Variants in SLC25A12 observed in about 807,000 individuals in gnomAD.
SLC25A12 encodes solute carrier family 25 member 12.
In SLC25A12, 32 loss-of-function variants were observed where a neutral mutation model predicts 83.3. The observed-to-expected ratio is 0.38, with a 90% confidence interval of 0.29 to 0.52. The LOEUF (loss-of-function observed/expected upper bound fraction) is 0.52, where lower values mean the gene tolerates loss of function less well. Among genes scored for constraint, SLC25A12 ranks in the 20% least tolerant of loss-of-function variants. SLC25A12 has a pLI of 0.84. For missense variants in SLC25A12, 611 were observed against 835.6 expected, an observed-to-expected ratio of 0.73 and a Z score of 3.31; for synonymous variants, 267 against 291.1, an observed-to-expected ratio of 0.92 and a Z score of 0.84.
At chr2:171,884,167 A>G (rs571040275) in intron 2 of SLC25A12, among the ~76,000 whole-genome samples, 1 of 144,966 alleles carries the variant, frequency 6.9e-6, no homozygotes, top group East Asian at 2.1e-4. Flanking sequence ...GGAATGAGCC[A>G]GTGTGCCCAG....
chr2:171,791,383 T>C, intron 15 of SLC25A12, 68 bp downstream of exon 15: 1 of 1,288,962 alleles, frequency 7.8e-7, no homozygotes, highest in Non-Finnish European at 1.1e-6. Context: ...AGGGGGAAAG[T>C]ACATAGAGAT....
intron 17 of SLC25A12, among the ~76,000 whole-genome samples, chr2:171,786,400 AAAAAG>A (rs1319175700): frequency 2.6e-5 from 4 of 151,524 alleles, no homozygotes; most frequent in African/African-American, 9.7e-5. Flanking sequence ...AAAAAAAAAA[AAAAAG>A]AGAGAGAGAG....
At chr2:171,797,648 G>C (rs1450920662) in intron 13 of SLC25A12, among the ~76,000 whole-genome samples, 2 of 152,014 alleles carry the variant, frequency 1.3e-5, no homozygotes, top group Admixed American at 6.6e-5. Flanking sequence ...TTGGTAATTT[G>C]GCAAATATAT....
At chr2:171,785,518 G>A in intron 17 of SLC25A12, 43 bp from the exon 18 acceptor site, 2 of 1,553,974 alleles carry the variant, frequency 1.3e-6, no homozygotes, top group Non-Finnish European at 1.8e-6. Context: ...GCTCAAGGTG[G>A]ATGAGCGCAG....
At chr2:171,803,447 AC>A (rs1352931642) in intron 13 of SLC25A12, among the ~76,000 whole-genome samples, 6 of 152,228 alleles carry the variant, frequency 3.9e-5, no homozygotes, top group Non-Finnish European at 5.9e-5. Flanking sequence ...TAACCAAAAA[AC>A]AATCCAATTT....
chr2:171,858,858 T>C (rs939132870), intron 3 of SLC25A12, among the ~76,000 whole-genome samples: 1 of 152,230 alleles, frequency 6.6e-6, no homozygotes, highest in African/African-American at 2.4e-5. Flanking sequence ...TCTTGTCACA[T>C]AGGTTTCCAA....
Position 171,810,258 on chromosome 2 carries a change from A to C in SLC25A12, c.1190T>G (p.Ile397Arg). 1 of 1,613,604 alleles carries C rather than the reference A, an allele frequency of 6.2e-7. No homozygotes were observed. The highest frequency in any genetic ancestry group is 8.5e-7 in the Non-Finnish European group (1 of 1,179,554). Residue 397 changes from isoleucine to arginine, a missense_variant, in exon 12 of 18, where the codon ATA (isoleucine) becomes AGA (arginine). By Grantham distance (97) the Ile-to-Arg change is moderately conservative. Coordinates refer to ENST00000422440, the MANE Select transcript of SLC25A12 (RefSeq NM_003705.5). ...AATGGCCTTTTCTGGAGCAACCCCT[A>C]TAAGTTGTGGTATCAGACCTAGGTA... is the stretch of plus-strand genomic sequence containing the variant. ...GLYRGLIPQL[I>R]GVAPEKAIKL... is the part of the protein sequence containing the mutation.
chr2:171,787,473 C>G, intron 17 of SLC25A12, 98 bp downstream of exon 17: 9 of 944,472 alleles, frequency 9.5e-6, no homozygotes, highest in Non-Finnish European at 1.6e-5. Context: ...TCTGTCTTAT[C>G]AGTTTTCTAA....
intron 2 of SLC25A12, among the ~76,000 whole-genome samples, chr2:171,869,329 A>G (rs2105918257): frequency 6.6e-6 from 1 of 152,352 alleles, no homozygotes; most frequent in East Asian, 1.9e-4. Flanking sequence ...GGTGAATTTT[A>G]CATTATGTGA....
At chr2:171,864,818 C>T (rs909551907) in intron 3 of SLC25A12, among the ~76,000 whole-genome samples, 3 of 152,142 alleles carry the variant, frequency 2.0e-5, no homozygotes, top group African/African-American at 7.2e-5. Context: ...TATGACAGCA[C>T]CTCATTTCAG....
At chr2:171,856,349 T>C (rs1685044640) in intron 3 of SLC25A12, among the ~76,000 whole-genome samples, 1 of 152,176 alleles carries the variant, frequency 6.6e-6, no homozygotes, top group African/African-American at 2.4e-5. Context: ...CTCTACCCAC[T>C]AGATGCCAAT....
At chr2:171,832,659 A>C (rs1446829363) in intron 8 of SLC25A12, among the ~76,000 whole-genome samples, 2 of 152,196 alleles carry the variant, frequency 1.3e-5, no homozygotes, top group Non-Finnish European at 2.9e-5. Context: ...TAACTGCAGG[A>C]ATAGCAATAG....
intron 9 of SLC25A12, among the ~76,000 whole-genome samples, 160 bp downstream of exon 9, chr2:171,826,638 G>T (rs1684305194): frequency 6.6e-6 from 1 of 152,096 alleles, no homozygotes; most frequent in African/African-American, 2.4e-5. Context: ...TATAAAAGTG[G>T]GGGTAACAGT....
chr2:171,829,592 G>C (rs1169799752), intron 8 of SLC25A12, among the ~76,000 whole-genome samples: 1 of 152,168 alleles, frequency 6.6e-6, no homozygotes, highest in Non-Finnish European at 1.5e-5. Context: ...TAGGGAAGCA[G>C]CAGGAGCCGA....
At chr2:171,872,076 T>C (rs1043034712) in intron 2 of SLC25A12, among the ~76,000 whole-genome samples, 1 of 152,050 alleles carries the variant, frequency 6.6e-6, no homozygotes, top group African/African-American at 2.4e-5. Context: ...AGTCATGTTC[T>C]CTATACATGA....
chr2:171,849,345 TA>T (rs71013080), intron 4 of SLC25A12, among the ~76,000 whole-genome samples: 22 of 138,594 alleles, frequency 1.6e-4, no homozygotes, highest in Admixed American at 2.2e-4. Context: ...CCTTGAGTAC[TA>T]AAAAAAAAAG....
At chr2:171,811,012 A>T (rs1400388393) in intron 11 of SLC25A12, among the ~76,000 whole-genome samples, 1 of 152,248 alleles carries the variant, frequency 6.6e-6, no homozygotes, top group African/African-American at 2.4e-5. Flanking sequence ...TAAACTGGAA[A>T]AGAAAAAAAT....
chr2:171,820,484 T>A (rs1442546817), intron 9 of SLC25A12, among the ~76,000 whole-genome samples: 7 of 150,162 alleles, frequency 4.7e-5, no homozygotes, highest in African/African-American at 9.8e-5. Flanking sequence ...ATCCCAACAC[T>A]TTGGGAGGCC....
At chr2:171,866,910 C>A (rs546903843) in intron 3 of SLC25A12, among the ~76,000 whole-genome samples, 1 of 150,834 alleles carries the variant, frequency 6.6e-6, no homozygotes, top group African/African-American at 2.4e-5. Context: ...CTCCTCACTT[C>A]TCAGACGGGG....
Sources: gnomAD v4.1 joint callset for allele counts (sites outside exome capture counted in the v4.1 genomes callset) on GRCh38, gnomAD v4.1.1 for gene constraint, MANE v1.5 for transcripts, NCBI Gene and HGNC (gene_info 2026-07-23, HGNC 2026-07-21) for gene names.